Variants in LRRIQ1 observed in about 807,000 individuals in gnomAD.
The protein encoded by LRRIQ1 is leucine-rich repeat- and IQ domain-containing protein 1.
A neutral mutation model predicts 211.9 loss-of-function variants in LRRIQ1; 210 were observed. The observed-to-expected ratio is 0.99, with a 90% confidence interval of 0.89 to 1.11. The LOEUF (loss-of-function observed/expected upper bound fraction) is 1.11, where lower values mean the gene tolerates loss of function less well. Among genes scored for constraint, LRRIQ1 ranks in the 50% most tolerant of loss-of-function variants. The pLI is 0.00. For synonymous variants in LRRIQ1, 699 were observed against 650.1 expected (o/e 1.08, Z -1.14); for missense variants, 2,136 against 1,939.5 (o/e 1.10, Z -1.90).
intron 24 of LRRIQ1, among the ~76,000 whole-genome samples, chr12:85,208,956 T>A (rs1352623616): frequency 6.6e-6 from 1 of 152,180 alleles, no homozygotes; most frequent in Admixed American, 6.5e-5. Context: ...GCAAGCATTC[T>A]TGACCCTTTT....
intron 8 of LRRIQ1, 91 bp downstream of exon 8, chr12:85,057,275 G>A (rs1881234046): frequency 1.0e-6 from 1 of 1,003,178 alleles, no homozygotes; most frequent in African/African-American, 1.7e-5. Context: ...GAAATATTTT[G>A]TATACAAGAA....
chr12:85,069,176 T>A (rs1188823879), intron 10 of LRRIQ1, among the ~76,000 whole-genome samples: 4 of 146,886 alleles, frequency 2.7e-5, no homozygotes, highest in Non-Finnish European at 5.9e-5. Flanking sequence ...CACCTGTGAG[T>A]GAGAACATGC....
chr12:85,143,660 T>C (rs1030709870), intron 19 of LRRIQ1, among the ~76,000 whole-genome samples: 6 of 151,630 alleles, frequency 4.0e-5, no homozygotes, highest in African/African-American at 1.2e-4. Flanking sequence ...TATATTCTTA[T>C]TTTGTTATTC....
chr12:85,256,253 G>A (rs1022224301), intron 1 of LRRIQ1, among the ~76,000 whole-genome samples: 2 of 151,572 alleles, frequency 1.3e-5, no homozygotes, highest in African/African-American at 2.4e-5. Context: ...ATTTTTTGAC[G>A]ACAGGATTCA....
intron 15 of LRRIQ1, among the ~76,000 whole-genome samples, chr12:85,118,186 T>C (rs984211812): frequency 1.4e-4 from 22 of 152,170 alleles, no homozygotes; most frequent in Non-Finnish European, 2.9e-4. Flanking sequence ...GTATGTTATT[T>C]ATTCCTTTGT....
chr12:85,184,148 G>T (rs1171993895), intron 24 of LRRIQ1, among the ~76,000 whole-genome samples: 1 of 151,998 alleles, frequency 6.6e-6, no homozygotes, highest in Non-Finnish European at 1.5e-5. Context: ...AATTAAAGAA[G>T]TAGAAGACAG....
At chr12:85,184,285 T>C (rs948346501) in intron 24 of LRRIQ1, among the ~76,000 whole-genome samples, 2 of 152,050 alleles carry the variant, frequency 1.3e-5, no homozygotes, top group African/African-American at 4.8e-5. Flanking sequence ...CAGATGTCTC[T>C]GAAAGATTAA....
chr12:85,230,179 G>T (rs546163311), intron 25 of LRRIQ1, among the ~76,000 whole-genome samples: 1 of 152,208 alleles, frequency 6.6e-6, no homozygotes, highest in East Asian at 1.9e-4. Context: ...TAGCAACAAG[G>T]TACCTTAAAT....
chr12:85,271,232 A>G, the LRRIQ1 span, among the ~76,000 whole-genome samples: 1 of 152,180 alleles, frequency 6.6e-6, no homozygotes, highest in Non-Finnish European at 1.5e-5. Flanking sequence ...GACTTGCATG[A>G]CAGGTTTAAC....
intron 13 of LRRIQ1, among the ~76,000 whole-genome samples, chr12:85,103,229 G>T (rs1400514620): frequency 6.7e-6 from 1 of 150,336 alleles, no homozygotes; most frequent in Admixed American, 6.7e-5. Flanking sequence ...TAACTTAGAA[G>T]ACAATAAAAA....
chr12:85,047,410 G>T lies in LRRIQ1; in HGVS notation c.618G>T (p.Lys206Asn). Residue 206 changes from lysine to asparagine, a missense_variant, in exon 6 of 27, where the codon AAG (lysine) becomes AAT (asparagine). Physicochemically the swap from Lys to Asn is moderately conservative, Grantham distance 94 (BLOSUM62 0). Coordinates refer to ENST00000393217, the MANE Select transcript of LRRIQ1 (RefSeq NM_001079910.2). Reference sequence around the variant, plus strand: ...AACAATTTCAAGAAGAAGAAGAAAAGCGACATTGCTGGATGAAACAATTTA... The same window carrying T: ...AACAATTTCAAGAAGAAGAAGAAAATCGACATTGCTGGATGAAACAATTTA... ...EEKQFQEEEE[K>N]RHCWMKQFKV... The T allele has an allele frequency of 6.2e-7, 1 of 1,613,052 alleles. No homozygotes were observed. The highest frequency in any genetic ancestry group is 8.5e-7 in the Non-Finnish European group (1 of 1,179,272).
In LRRIQ1 at chr12:85,152,250, A is replaced by G. The variant is rs1002884992; in HGVS notation, c.4330-30A>G. 3.9e-6 allele frequency: 6 copies of G among 1,547,282 alleles called. No homozygotes were observed. The African/African-American group carries it at 8.2e-5, about 21-fold the overall frequency. ...ACATTGTAAAAGTTATGTAAGCTAA[A>G]TTACATACATTTTAATATTATTTGT... On this transcript the variant is annotated intron_variant, in intron 19 of 26. Transcript: ENST00000393217.
At chr12:85,184,802 A>G (rs1000792623) in intron 24 of LRRIQ1, among the ~76,000 whole-genome samples, 1 of 152,022 alleles carries the variant, frequency 6.6e-6, no homozygotes, top group Non-Finnish European at 1.5e-5. Context: ...TCCTTAAAAT[A>G]GCAGTTTTAA....
chr12:85,133,628 T>G (rs1222475210), intron 18 of LRRIQ1, among the ~76,000 whole-genome samples: 2 of 152,070 alleles, frequency 1.3e-5, no homozygotes, highest in Non-Finnish European at 2.9e-5. Flanking sequence ...GGAGTGGATA[T>G]GTTTCAGGGT....
At chr12:85,183,648 A>G (rs1019879508) in intron 24 of LRRIQ1, among the ~76,000 whole-genome samples, 3 of 152,166 alleles carry the variant, frequency 2.0e-5, no homozygotes, top group Admixed American at 6.5e-5. Flanking sequence ...TGGAAGTTCA[A>G]TGTGCTGCTA....
Position 85,234,794 on chromosome 12 carries a change from C to T in LRRIQ1, c.5016+2038C>T, listed in dbSNP as rs191134621. On this transcript the variant is annotated intron_variant, in intron 26 of 26. Coordinates refer to ENST00000393217, the MANE Select transcript of LRRIQ1 (RefSeq NM_001079910.2). Reference sequence around the variant, plus strand: ...AATTAAAGGACAGAAAATTATGAAGCGAAAGTTATCAAATGTTAGAAAAGA... The same window carrying T: ...AATTAAAGGACAGAAAATTATGAAGTGAAAGTTATCAAATGTTAGAAAAGA... Among the ~76,000 whole-genome samples the T allele has an allele frequency of 2.2e-4, 33 of 152,010 alleles. No homozygotes were observed. The East Asian group carries it at 3.9e-3, about 18-fold the overall frequency.
chr12:85,089,548 G>A (rs1885168078), intron 11 of LRRIQ1, among the ~76,000 whole-genome samples: 1 of 152,212 alleles, frequency 6.6e-6, no homozygotes, highest in Admixed American at 6.5e-5. Flanking sequence ...AAGATTATGT[G>A]TGTTATGCCT....
chr12:85,231,004 T>A (rs894561183), intron 25 of LRRIQ1, among the ~76,000 whole-genome samples: 1 of 151,316 alleles, frequency 6.6e-6, no homozygotes, highest in Admixed American at 6.6e-5. Flanking sequence ...GCCGAGATCG[T>A]GCCACTGCAC....
chr12:85,036,933 A>G (rs75142967), intron 1 of LRRIQ1, among the ~76,000 whole-genome samples: 4,172 of 152,180 alleles, frequency 0.027, 186 homozygotes, highest in African/African-American at 0.095. Flanking sequence ...AGACCCATCC[A>G]TGACTGCACG....
Sources: allele counts gnomAD v4.1 joint callset (sites outside exome capture counted in the v4.1 genomes callset), GRCh38; gene constraint gnomAD v4.1.1; transcripts MANE v1.5; gene names NCBI Gene and HGNC (gene_info 2026-07-23, HGNC 2026-07-21).